USP42: variants seen among roughly 807,000 people sequenced by gnomAD.
USP42 encodes the protein ubiquitin specific peptidase 42.
Under a neutral mutation model 113.0 loss-of-function variants are expected in USP42, and 23 were observed. The observed-to-expected ratio is 0.20, with a 90% CI of 0.15 to 0.29. The LOEUF (loss-of-function observed/expected upper bound fraction) is 0.29, where lower values mean the gene tolerates loss of function less well. USP42 is among the 10% of genes least tolerant of loss of function. The pLI is 1.00. For synonymous variants in USP42, 933 were observed against 699.0 expected (o/e 1.33, Z -5.28); for missense variants, 2,174 against 1,779.8 (o/e 1.22, Z -3.99).
At chr7:6,090,810 A>G in the USP42 span, among the ~76,000 whole-genome samples, 1 of 146,758 alleles carries the variant, frequency 6.8e-6, no homozygotes, top group Non-Finnish European at 1.5e-5. Flanking sequence ...ACATATAGTT[A>G]TATATATAGT....
intron 3 of USP42, chr7:6,116,691 TAAAG>T (rs1249882868): frequency 1.9e-5 from 9 of 483,704 alleles, no homozygotes; most frequent in African/African-American, 6.2e-5. Context: ...CAGAAAAACT[TAAAG>T]AAACCAAAGA....
At chr7:6,092,560 A>C in the USP42 span, among the ~76,000 whole-genome samples, 2 of 151,336 alleles carry the variant, frequency 1.3e-5, no homozygotes, top group African/African-American at 2.5e-5. Context: ...CCATCCACTA[A>C]GTATTACCTT....
chr7:6,136,054 G>T, intron 4 of USP42, 103 bp downstream of exon 4: 1 of 697,082 alleles, frequency 1.4e-6, no homozygotes, highest in East Asian at 3.0e-5. Context: ...GCCTAGGCTG[G>T]AATGTAGTGG....
upstream of USP42, chr7:6,104,771 C>G (rs1190594463): frequency 1.3e-5 from 2 of 152,020 alleles, no homozygotes; most frequent in African/African-American, 4.8e-5. Context: ...TCTTGGGCGA[C>G]GACCCCTCCC....
At chr7:6,143,071 C>T in intron 8 of USP42, 57 bp downstream of exon 8, 2 of 1,584,572 alleles carry the variant, frequency 1.3e-6, no homozygotes, top group East Asian at 2.2e-5. Context: ...GGATGGCCGG[C>T]AGGCTTGGTT....
upstream of USP42, among the ~76,000 whole-genome samples, chr7:6,102,661 G>A (rs922828551): frequency 5.3e-5 from 8 of 150,854 alleles, no homozygotes; most frequent in Admixed American, 3.9e-4. Context: ...CTGCGCAGAA[G>A]AGGCAGCATG....
chr7:6,140,271 T>G, intron 6 of USP42, 76 bp downstream of exon 6: 2 of 1,357,590 alleles, frequency 1.5e-6, no homozygotes, highest in Non-Finnish European at 2.1e-6. Flanking sequence ...ACAGGGTTAG[T>G]CCTACTAGGA....
chr7:6,157,300 T>G lies in USP42; in HGVS notation c.3943+245T>G. ...ACAGGACTGAGGGCAGCACTACCTG[T>G]GTCACCAAAGCCCTGGAACGTACAG... On this transcript the variant is annotated intron_variant, in intron 16 of 17. Coordinates refer to ENST00000306177, the MANE Select transcript of USP42 (RefSeq NM_032172.3). This position sits in a 1 kb window ranked among gnomAD's most constrained non-coding sequence, Gnocchi z 4.1. The G allele has an allele frequency of 8.4e-7, 1 of 1,196,070 alleles. No homozygotes were observed. The highest frequency in any genetic ancestry group is 1.0e-6 in the Non-Finnish European group (1 of 965,650). 74.1% of individuals were successfully genotyped at this position (1,196,070 alleles called of 1,614,324 possible).
At position 6,153,756 on chromosome 7, in the gene USP42, T is replaced by G. The variant is rs1393165855; in HGVS notation, c.2202T>G (p.Ser734Arg). The change falls in exon 15 of 18, where the codon AGT (serine) becomes AGG (arginine). Residue 734 changes from serine to arginine, a missense_variant and splice_region_variant. Coordinates refer to ENST00000306177, the MANE Select transcript of USP42 (RefSeq NM_032172.3). ...NKLKGSTDEM[S>R]APGAERGPPE... ...GTGTTTGTTTGTTTGGGGGCTGCAG[T>G]GCACCTGGAGCAGAGAGGGGCCCTC... The G allele has an allele frequency of 1.4e-6, 2 of 1,453,680 alleles. No homozygotes were observed. Among genetic ancestry groups the G allele is most frequent in the South Asian group, 2.8e-5 (2 of 70,270 alleles). The allele number at this position is 1,453,680 out of a possible 1,614,324, so 90.0% of individuals were successfully genotyped here.
the USP42 span, among the ~76,000 whole-genome samples, chr7:6,097,034 G>A: frequency 6.6e-6 from 1 of 150,562 alleles, no homozygotes. Context: ...AGCCTCCCAA[G>A]TAGCTGTGAC....
intron 4 of USP42, among the ~76,000 whole-genome samples, chr7:6,137,083 C>T (rs539974158): frequency 6.6e-6 from 1 of 152,268 alleles, no homozygotes; most frequent in African/African-American, 2.4e-5. Flanking sequence ...TAAACTTTTG[C>T]ATCTTGTTAA....
chr7:6,099,944 C>T, the USP42 span, among the ~76,000 whole-genome samples: 4 of 138,044 alleles, frequency 2.9e-5, no homozygotes, highest in African/African-American at 1.2e-4. Flanking sequence ...GCCTGGGTGA[C>T]AGAACGAGAC....
At chr7:6,119,181 T>TTA (rs1236822738) in intron 3 of USP42, among the ~76,000 whole-genome samples, 2 of 152,118 alleles carry the variant, frequency 1.3e-5, no homozygotes, top group African/African-American at 2.4e-5. Context: ...CACCACTGTA[T>TTA]TACAGCCTGA....
chr7:6,091,337 A>C, the USP42 span, among the ~76,000 whole-genome samples: 64 of 149,924 alleles, frequency 4.3e-4, 4 homozygotes, highest in African/African-American at 1.6e-3. Context: ...CGATCCTCCC[A>C]CCTCCGCCTC....
Position 6,145,556 on chromosome 7 carries a change from T to C in USP42, c.1031T>C (p.Met344Thr). ...GAGTATCTTGATATTCGGCCATATA[T>C]GTCTCAACCCAACGGAGAGCCAATT... is the stretch of plus-strand genomic sequence containing the variant. ...YPEYLDIRPYMSQPNGEPIVY... is the reference protein window; with the variant it reads ...YPEYLDIRPYTSQPNGEPIVY... The change falls in exon 10 of 18, where the codon ATG (methionine) becomes ACG (threonine). Residue 344 changes from methionine to threonine, a missense_variant. Transcript: ENST00000306177. 2 of 1,614,018 alleles carry C rather than the reference T, an allele frequency of 1.2e-6. No individual in the cohort carries two copies. Among genetic ancestry groups the C allele is most frequent in the Non-Finnish European group, 8.5e-7 (1 of 1,179,886 alleles).
At chr7:6,152,872 A>G (rs2128519750) in intron 14 of USP42, 2 of 956,204 alleles carry the variant, frequency 2.1e-6, no homozygotes, top group East Asian at 1.2e-4. Context: ...TGGCCCCTCT[A>G]CCTTTGAGGG....
chr7:6,142,600 C>T (rs961990299), intron 7 of USP42, among the ~76,000 whole-genome samples: 4 of 152,068 alleles, frequency 2.6e-5, no homozygotes, highest in South Asian at 2.1e-4. Flanking sequence ...ATAAGGGGCA[C>T]GGCTGGGCAT....
chr7:6,152,175 G>A lies in USP42; in HGVS notation c.2202-1581G>A, dbSNP rs115826253. Reference sequence around the variant, plus strand: ...GGCCCCGTGGCGAGAGGCTGTGCAGGCGGTGCTTGCATCTCTGCACAGGTT... The same window carrying A: ...GGCCCCGTGGCGAGAGGCTGTGCAGACGGTGCTTGCATCTCTGCACAGGTT... On this transcript the variant is annotated intron_variant, in intron 14 of 17. Transcript: ENST00000306177. Among the ~76,000 whole-genome samples, 944 of 152,342 alleles carry A rather than the reference G, an allele frequency of 6.2e-3. 9 individuals carry two copies. The highest frequency in any genetic ancestry group is 0.022 in the African/African-American group (906 of 41,574).
At chr7:6,100,523 T>C (rs1790089828), upstream of USP42, among the ~76,000 whole-genome samples, 1 of 149,348 alleles carries the variant, frequency 6.7e-6, no homozygotes, top group South Asian at 2.1e-4. Flanking sequence ...AGAGACGGGG[T>C]TTCACCATGT....
Sources: gnomAD v4.1 joint callset for allele counts (sites outside exome capture counted in the v4.1 genomes callset) on GRCh38, gnomAD v4.1.1 for gene constraint, Gnocchi (gnomAD v3.1) non-coding constraint, MANE v1.5 for transcripts, NCBI Gene and HGNC (gene_info 2026-07-23, HGNC 2026-07-21) for gene names.